The following SLC4A4 variants were observed in gnomAD, a reference collection of about 807,000 sequenced individuals.
SLC4A4 encodes the protein electrogenic sodium bicarbonate cotransporter 1.
SLC4A4 carries 27 observed loss-of-function variants against 111.5 expected under a neutral mutation model. The ratio of observed to expected loss-of-function variants is 0.24; its 90% confidence interval spans 0.18 to 0.33. The LOEUF (loss-of-function observed/expected upper bound fraction) is 0.33, where lower values mean the gene tolerates loss of function less well. SLC4A4 is among the 10% of genes least tolerant of loss of function. The pLI, the probability that SLC4A4 is intolerant of heterozygous loss-of-function variation, is 1.00. For synonymous variants in SLC4A4, 443 were observed against 463.4 expected (o/e 0.96, Z 0.57); for missense variants, 909 against 1,315.5 (o/e 0.69, Z 4.78).
chr4:71,330,433 A>G (rs1476668874), intron 3 of SLC4A4, among the ~76,000 whole-genome samples: 2 of 152,210 alleles, frequency 1.3e-5, no homozygotes, highest in Non-Finnish European at 2.9e-5. Context: ...AATACCACAC[A>G]TCTACAACTA....
intron 2 of SLC4A4, among the ~76,000 whole-genome samples, chr4:71,180,606 T>C (rs1189412540): frequency 1.3e-5 from 2 of 152,248 alleles, no homozygotes; most frequent in South Asian, 2.1e-4. Flanking sequence ...AAAATGCTCA[T>C]CATCACTGGC....
At chr4:71,419,789 A>T (rs979450102) in intron 7 of SLC4A4, among the ~76,000 whole-genome samples, 1 of 152,000 alleles carries the variant, frequency 6.6e-6, no homozygotes, top group African/African-American at 2.4e-5. Context: ...CTTCTGCGTC[A>T]CTCATGCTGG....
At chr4:71,451,528 A>G (rs1725758777) in intron 11 of SLC4A4, among the ~76,000 whole-genome samples, 1 of 152,200 alleles carries the variant, frequency 6.6e-6, no homozygotes, top group African/African-American at 2.4e-5. Context: ...TAAGTGAATA[A>G]GTAAATGTGG....
intron 6 of SLC4A4, among the ~76,000 whole-genome samples, chr4:71,365,845 G>A (rs1027457048): frequency 2.0e-5 from 3 of 152,176 alleles, no homozygotes; most frequent in African/African-American, 7.2e-5. Context: ...AAACCTGAAA[G>A]TCAGAAATAT....
At chr4:71,435,031 A>G (rs907009978) in intron 7 of SLC4A4, among the ~76,000 whole-genome samples, 6 of 152,200 alleles carry the variant, frequency 3.9e-5, no homozygotes, top group African/African-American at 1.4e-4. Flanking sequence ...ATTCCCATCA[A>G]ACTACCACTG....
At chr4:71,547,812 A>G (rs1735666706) in intron 20 of SLC4A4, 92 bp downstream of exon 20, 8 of 1,093,520 alleles carry the variant, frequency 7.3e-6, no homozygotes, top group African/African-American at 1.5e-5. Context: ...GATATTTGCG[A>G]GATTCTCATC....
intron 3 of SLC4A4, among the ~76,000 whole-genome samples, chr4:71,287,019 T>G (rs1020079761): frequency 2.6e-5 from 4 of 152,220 alleles, no homozygotes; most frequent in African/African-American, 9.6e-5. Context: ...TTAGCCAGGT[T>G]TGTCTGACAC....
rs889781738 is a variant in SLC4A4 at position 71,515,514 on chromosome 4, G to T, written c.2167-16548G>T. On this transcript the variant is annotated intron_variant, in intron 16 of 25. Coordinates refer to ENST00000264485, the MANE Select transcript of SLC4A4 (RefSeq NM_001098484.3). ...TTTGGTCTAAAGTTCAGTTTAAATC[G>T]GTGTTTCTTTGTTGATTTTTTAAAT... Among the ~76,000 whole-genome samples the T allele has an allele frequency of 5.7e-4, 87 of 152,160 alleles. 1 individual carries two copies. Among genetic ancestry groups the T allele is most frequent in the African/African-American group, 2.0e-3 (85 of 41,530 alleles).
chr4:71,306,828 T>C (rs1725727855), intron 3 of SLC4A4, among the ~76,000 whole-genome samples: 1 of 152,230 alleles, frequency 6.6e-6, no homozygotes, highest in Non-Finnish European at 1.5e-5. Flanking sequence ...AAAAGGTGAC[T>C]TATTTTAGGA....
intron 2 of SLC4A4, among the ~76,000 whole-genome samples, chr4:71,128,847 C>T (rs1224918227): frequency 1.3e-5 from 2 of 152,154 alleles, no homozygotes; most frequent in Non-Finnish European, 2.9e-5. Context: ...GAATTACTCT[C>T]AATCCCTAAA....
At position 71,407,433 on chromosome 4, in the gene SLC4A4, C is replaced by T. The variant is rs191683484; in HGVS notation, c.807+9780C>T. Among the ~76,000 whole-genome samples, 17 of 152,250 alleles carry T rather than the reference C, an allele frequency of 1.1e-4. No homozygotes were observed. In the East Asian group the frequency reaches 3.1e-3, roughly 28 times the overall value. ...TTTATATCTTAGCTGATTATTCACACCGAATAAACTGTGGTGCTGACAGTG... is the reference window on the plus strand; with the variant it reads ...TTTATATCTTAGCTGATTATTCACATCGAATAAACTGTGGTGCTGACAGTG... On this transcript the variant is annotated intron_variant, in intron 7 of 25. Transcript: ENST00000264485.
At chr4:71,529,007 A>G (rs1733689463) in intron 16 of SLC4A4, among the ~76,000 whole-genome samples, 1 of 152,094 alleles carries the variant, frequency 6.6e-6, no homozygotes, top group South Asian at 2.1e-4. Context: ...CAAAAAATAT[A>G]TTTCAAAGAA....
intron 15 of SLC4A4, among the ~76,000 whole-genome samples, chr4:71,496,355 G>C (rs1434984148): frequency 6.6e-6 from 1 of 152,088 alleles, no homozygotes; most frequent in Non-Finnish European, 1.5e-5. Context: ...AATAAAAGCA[G>C]ATTGAGAGAA....
At chr4:71,508,875 A>C (rs1327277107) in intron 16 of SLC4A4, among the ~76,000 whole-genome samples, 1 of 152,234 alleles carries the variant, frequency 6.6e-6, no homozygotes, top group East Asian at 1.9e-4. Flanking sequence ...CTGGCAAACC[A>C]AATCCAGCAG....
intron 1 of SLC4A4, among the ~76,000 whole-genome samples, chr4:71,214,517 G>A (rs148172080): frequency 6.6e-5 from 10 of 152,142 alleles, no homozygotes; most frequent in Admixed American, 2.0e-4. Flanking sequence ...GCCACCACTC[G>A]TACCCTATCC....
At chr4:71,149,217 C>T (rs1485999354) in intron 2 of SLC4A4, among the ~76,000 whole-genome samples, 1 of 151,878 alleles carries the variant, frequency 6.6e-6, no homozygotes, top group Non-Finnish European at 1.5e-5. Context: ...CTTGAATGTT[C>T]TCATTATTTT....
chr4:71,296,860 A>G (rs1227538090), intron 3 of SLC4A4, among the ~76,000 whole-genome samples: 2 of 152,226 alleles, frequency 1.3e-5, no homozygotes, highest in East Asian at 3.8e-4. Context: ...GTGATAGAAA[A>G]TAAAGGGCAG....
rs1733988296 is a variant in SLC4A4 at position 71,532,163 on chromosome 4, A to C, written c.2268A>C (p.Pro756=). 1 of 1,588,496 alleles carries C rather than the reference A, an allele frequency of 6.3e-7. No homozygotes were observed. The change falls in exon 17 of 26, where the codon CCA becomes CCC. Residue 756 remains proline (P), a synonymous_variant. Coordinates refer to ENST00000264485, the MANE Select transcript of SLC4A4 (RefSeq NM_001098484.3). ...TGGACACCCCAAAACTAATTGTGCC[A>C]AGTGAGTTCAAGGTAGGTGAATGTC... ...VGVDTPKLIV[P]SEFKPTSPNR...
chr4:71,524,587 T>G (rs1231335085), intron 16 of SLC4A4, among the ~76,000 whole-genome samples: 1 of 152,158 alleles, frequency 6.6e-6, no homozygotes, highest in Non-Finnish European at 1.5e-5. Flanking sequence ...ATTCTGATTA[T>G]AGTGGGTATT....
Sources: gnomAD v4.1 joint callset for allele counts (sites outside exome capture counted in the v4.1 genomes callset) on GRCh38, gnomAD v4.1.1 for gene constraint, MANE v1.5 for transcripts, NCBI Gene and HGNC (gene_info 2026-07-23, HGNC 2026-07-21) for gene names.